The following ST8SIA2 variants were observed in gnomAD, a reference collection of about 807,000 sequenced individuals.
ST8SIA2 encodes the protein ST8 alpha-N-acetyl-neuraminide alpha-2,8-sialyltransferase 2, also known as alpha-2,8-sialyltransferase 8B.
ST8SIA2 carries 22 observed loss-of-function variants against 37.6 expected under a neutral mutation model. The observed-to-expected ratio is 0.58, with a 90% CI of 0.42 to 0.83. The LOEUF is 0.83. Ranked by LOEUF, ST8SIA2 falls within the 40% of genes least tolerant of loss-of-function variation. ST8SIA2 has a pLI of 0.00. For synonymous variants in ST8SIA2, 205 were observed against 201.2 expected, an observed-to-expected ratio of 1.02 and a Z score of -0.16; for missense variants, 382 against 484.7, an observed-to-expected ratio of 0.79 and a Z score of 1.99.
chr15:92,408,766 C>T (rs979548005), intron 1 of ST8SIA2, among the ~76,000 whole-genome samples: 7 of 151,676 alleles, frequency 4.6e-5, no homozygotes, highest in East Asian at 3.9e-4. Flanking sequence ...AGTACAATGG[C>T]GTGATCTCAG....
chr15:92,432,657 G>C (rs950317953), intron 2 of ST8SIA2, among the ~76,000 whole-genome samples: 6 of 152,186 alleles, frequency 3.9e-5, no homozygotes, highest in African/African-American at 1.4e-4. Flanking sequence ...GCTAGGAAGA[G>C]TTCCTCTGCC....
At chr15:92,405,879 A>G (rs1934550725) in intron 1 of ST8SIA2, among the ~76,000 whole-genome samples, 1 of 152,214 alleles carries the variant, frequency 6.6e-6, no homozygotes, top group African/African-American at 2.4e-5. Flanking sequence ...GGAGGGGCCC[A>G]TAAGGTTTTG....
chr15:92,401,831 T>C (rs2141798383), intron 1 of ST8SIA2, among the ~76,000 whole-genome samples: 1 of 151,122 alleles, frequency 6.6e-6, no homozygotes, highest in South Asian at 2.1e-4. Flanking sequence ...TCTTAGTTGA[T>C]GGCCAAAGGA....
intron 3 of ST8SIA2, among the ~76,000 whole-genome samples, chr15:92,434,622 A>G (rs2049742307): frequency 6.6e-6 from 1 of 150,586 alleles, no homozygotes; most frequent in South Asian, 2.1e-4. Context: ...TGGGCTTAGA[A>G]GCAGCAAACC....
At chr15:92,444,074 G>T (rs2141838770) in intron 4 of ST8SIA2, among the ~76,000 whole-genome samples, 1 of 152,278 alleles carries the variant, frequency 6.6e-6, no homozygotes, top group South Asian at 2.1e-4. Flanking sequence ...CATTTATCAA[G>T]CTCTTATTAT....
rs114135184 is a variant in ST8SIA2, at chr15:92,460,938, G to A, written c.843-3162G>A. ...CTGAGTCGAGGACACGCTGTAAAGTGGTAGGTGAGGGTAAGATGCTGAGAG... is the reference window on the plus strand; with the variant it reads ...CTGAGTCGAGGACACGCTGTAAAGTAGTAGGTGAGGGTAAGATGCTGAGAG... On this transcript the variant is annotated intron_variant, in intron 5 of 5. Coordinates refer to ENST00000268164, the MANE Select transcript of ST8SIA2 (RefSeq NM_006011.4). 4.7e-3 allele frequency among the ~76,000 whole-genome samples: 719 copies of A among 152,262 alleles called. 7 individuals are homozygous for A. The highest frequency in any genetic ancestry group is 0.017 in the African/African-American group (687 of 41,532).
At chr15:92,459,902 A>T (rs1439650352) in intron 5 of ST8SIA2, among the ~76,000 whole-genome samples, 2 of 152,216 alleles carry the variant, frequency 1.3e-5, no homozygotes, top group Non-Finnish European at 2.9e-5. Flanking sequence ...GAGAATTTGC[A>T]TAAAAATCCT....
chr15:92,404,924 T>G (rs1033260845), intron 1 of ST8SIA2, among the ~76,000 whole-genome samples: 6 of 151,012 alleles, frequency 4.0e-5, no homozygotes, highest in Non-Finnish European at 8.8e-5. Context: ...AGCTAAAAGG[T>G]GGAAGCAACC....
intron 5 of ST8SIA2, chr15:92,445,182 T>G: frequency 3.4e-6 from 2 of 582,186 alleles, no homozygotes; most frequent in Non-Finnish European, 3.1e-6. Flanking sequence ...GAGAATGATC[T>G]TGGGGGTGGG....
Position 92,430,111 on chromosome 15 carries a change from G to C in ST8SIA2, c.161G>C (p.Arg54Thr). ...AVNSLHSKSN[R>T]AEVVINGSSS... Reference sequence around the variant, plus strand: ...AACAGCTTACATAGCAAATCTAATAGGTTTGTAAATTAGATTTTGTGTTCA... The same window carrying C: ...AACAGCTTACATAGCAAATCTAATACGTTTGTAAATTAGATTTTGTGTTCA... The change falls in exon 2 of 6, where the codon AGA (arginine) becomes ACA (threonine). Residue 54 changes from arginine (R) to threonine (T), a missense_variant and splice_region_variant. By Grantham distance (71) the Arg-to-Thr change is moderately conservative (BLOSUM62 -1). Coordinates refer to ENST00000268164, the MANE Select transcript of ST8SIA2 (RefSeq NM_006011.4). The C allele has an allele frequency of 6.2e-7, 1 of 1,613,664 alleles. No homozygotes were observed. Among genetic ancestry groups the C allele is most frequent in the Non-Finnish European group, 8.5e-7 (1 of 1,179,688 alleles).
chr15:92,394,306 G>A lies in ST8SIA2; in HGVS notation c.98+144G>A, dbSNP rs2049413231. ...AGATGGGGACGGTTTGGCAGAAGGT[G>A]GCGGCGACAGGGGCCCGGGACGGTT... On this transcript the variant is annotated intron_variant, in intron 1 of 5. Coordinates refer to ENST00000268164, the MANE Select transcript of ST8SIA2 (RefSeq NM_006011.4). 2.5e-5 allele frequency: 20 copies of A among 791,004 alleles called. No individual in the cohort carries two copies. In the South Asian group the frequency reaches 3.1e-4, roughly 12 times the overall value. The allele number at this position is 791,004 out of a possible 1,614,324, so 49.0% of individuals were successfully genotyped here. A position where few individuals can be genotyped will look rare whatever the true frequency, so the allele number is the denominator to read the frequency against.
At chr15:92,409,220 A>T (rs1410307612) in intron 1 of ST8SIA2, among the ~76,000 whole-genome samples, 1 of 152,196 alleles carries the variant, frequency 6.6e-6, no homozygotes, top group Non-Finnish European at 1.5e-5. Flanking sequence ...GATCAAGCTG[A>T]TAACAAGGAG....
chr15:92,445,206 T>C, intron 5 of ST8SIA2: 1 of 546,316 alleles, frequency 1.8e-6, no homozygotes, highest in Non-Finnish European at 3.3e-6. Flanking sequence ...GTCTTGAGGC[T>C]CAATGGGAAC....
intron 5 of ST8SIA2, among the ~76,000 whole-genome samples, chr15:92,448,084 TC>T (rs1403266536): frequency 6.6e-6 from 1 of 152,124 alleles, no homozygotes; most frequent in Non-Finnish European, 1.5e-5. Flanking sequence ...TATAACTGAC[TC>T]ACTTTCATCT....
In ST8SIA2 at chr15:92,427,754, T is replaced by C. The variant is rs547462191; in HGVS notation, c.99-2295T>C. 1.2e-3 allele frequency among the ~76,000 whole-genome samples: 177 copies of C among 152,228 alleles called. 1 individual carries two copies. Among genetic ancestry groups the C allele is most frequent in the African/African-American group, 4.1e-3 (171 of 41,546 alleles). On this transcript the variant is annotated intron_variant, in intron 1 of 5. Transcript: ENST00000268164. The stretch of plus-strand genomic sequence containing the variant: ...ATCCCAGCACTTTGGGAGGCCGAGG[T>C]GGGCAGATCACCTGAAGCCGAGAGT...
intron 5 of ST8SIA2, among the ~76,000 whole-genome samples, chr15:92,455,863 T>C (rs6496942): frequency 0.075 from 11,441 of 152,326 alleles, 727 homozygotes; most frequent in African/African-American, 0.18. Flanking sequence ...TATCGATTCA[T>C]ATCCTCACCT....
chr15:92,434,631 C>T (rs1480514352), intron 3 of ST8SIA2, among the ~76,000 whole-genome samples: 2 of 151,102 alleles, frequency 1.3e-5, no homozygotes, highest in Non-Finnish European at 2.9e-5. Flanking sequence ...AAGCAGCAAA[C>T]CTTGAGTCTC....
At position 92,444,533 on chromosome 15, in the gene ST8SIA2, G is replaced by C. The variant is rs1419247780; in HGVS notation, c.549-103G>C. On this transcript the variant is annotated intron_variant, in intron 4 of 5. Coordinates refer to ENST00000268164, the MANE Select transcript of ST8SIA2 (RefSeq NM_006011.4). ...GAGAGATGCCCTGGGTCTTTGTTTGGGGATGAGAAAGAAGCAAGGAGAGGC... is the reference window on the plus strand; with the variant it reads ...GAGAGATGCCCTGGGTCTTTGTTTGCGGATGAGAAAGAAGCAAGGAGAGGC... 6.3e-6 allele frequency: 9 copies of C among 1,433,118 alleles called. No individual in the cohort carries two copies. In the Admixed American group the frequency reaches 1.5e-4, roughly 25 times the overall value. The allele number at this position is 1,433,118 out of a possible 1,614,324, so 88.8% of individuals were successfully genotyped here.
chr15:92,443,510 T>C lies in ST8SIA2; in HGVS notation c.549-1126T>C, dbSNP rs148590457. 2.5e-3 allele frequency among the ~76,000 whole-genome samples: 382 copies of C among 152,274 alleles called. 1 individual carries two copies. Among genetic ancestry groups the C allele is most frequent in the Middle Eastern group, 0.01 (3 of 294 alleles). On this transcript the variant is annotated intron_variant, in intron 4 of 5. Coordinates refer to ENST00000268164, the MANE Select transcript of ST8SIA2 (RefSeq NM_006011.4). ...ATCCCCTCCAATCCATACTGCAACT[T>C]CATCTCATTGCTTTCTAATCGTGGC...
Sources: allele counts gnomAD v4.1 joint callset (sites outside exome capture counted in the v4.1 genomes callset), GRCh38; gene constraint gnomAD v4.1.1; transcripts MANE v1.5; gene names NCBI Gene and HGNC (gene_info 2026-07-23, HGNC 2026-07-21).